Variants in GFOD1 observed in about 807,000 individuals in gnomAD.
The protein encoded by GFOD1 is glucose-fructose oxidoreductase domain-containing protein 1.
A neutral mutation model predicts 25.4 loss-of-function variants in GFOD1; 9 were observed. The observed-to-expected ratio is 0.35, with a 90% CI of 0.21 to 0.62. GFOD1 has a LOEUF of 0.62. Among genes scored for constraint, GFOD1 ranks in the 20% least tolerant of loss-of-function variants. The probability of loss-of-function intolerance (pLI) is 0.72; values close to 1 mark genes in which losing one functional copy is unlikely to be tolerated. For missense variants in GFOD1, 403 were observed against 556.9 expected (o/e 0.72, Z 2.78); for synonymous variants, 253 against 245.6 (o/e 1.03, Z -0.28).
intron 1 of GFOD1, among the ~76,000 whole-genome samples, chr6:13,451,770 G>A (rs1487996082): frequency 1.3e-5 from 2 of 152,198 alleles, no homozygotes; most frequent in Non-Finnish European, 2.9e-5. Context: ...CCAGGTTAAG[G>A]TCGGCAAACG....
Position 13,471,744 on chromosome 6 carries a change from T to C in GFOD1, c.253+14894A>G, listed in dbSNP as rs535240706. Among the ~76,000 whole-genome samples the C allele has an allele frequency of 3.9e-5, 6 of 152,296 alleles. No homozygotes were observed. In the South Asian group the frequency reaches 1.0e-3, roughly 26 times the overall value. On this transcript the variant is annotated intron_variant, in intron 1 of 1. Coordinates refer to ENST00000379287, the MANE Select transcript of GFOD1 (RefSeq NM_018988.4). ...CAAAAATCCATGTTTGGATCTCACA[T>C]AAGTGACTGATTTACCCATTGCTAT...
intron 1 of GFOD1, among the ~76,000 whole-genome samples, chr6:13,450,002 A>T (rs1758067472): frequency 6.6e-6 from 1 of 152,182 alleles, no homozygotes; most frequent in African/African-American, 2.4e-5. Flanking sequence ...ACCACCATTC[A>T]ATTAAGGAAT....
intron 1 of GFOD1, among the ~76,000 whole-genome samples, chr6:13,419,509 C>CCTCTTAAAA (rs1194713272): frequency 3.9e-5 from 6 of 152,122 alleles, no homozygotes; most frequent in Non-Finnish European, 8.8e-5. Context: ...GATGGCTAAA[C>CCTCTTAAAA]CAGAGCCACA....
chr6:13,406,123 G>T (rs1224082513), intron 1 of GFOD1, among the ~76,000 whole-genome samples: 1 of 152,148 alleles, frequency 6.6e-6, no homozygotes, highest in African/African-American at 2.4e-5. Flanking sequence ...AGGTGGAGAT[G>T]GGCAGGGGTG....
intron 1 of GFOD1, among the ~76,000 whole-genome samples, chr6:13,469,042 C>T (rs1758428779): frequency 6.6e-6 from 1 of 152,330 alleles, no homozygotes; most frequent in Admixed American, 6.5e-5. Context: ...TCTGCAAGTG[C>T]TGGCCACAGG....
rs1360224215 is a variant in GFOD1, at chr6:13,365,519, G to C, written c.397C>G (p.Gln133Glu). ...CCCACGTAGCCCTCCTCGATCAGCT[G>C]CTTCATGCGCACGAAAGCCGGCAGG... ...RFLPAFVRMK[Q>E]LIEEGYVGEP... The change falls in exon 2 of 2, where the codon CAG becomes GAG. Residue 133 changes from glutamine (Q) to glutamate (E), a missense_variant. By Grantham distance (29) the Gln-to-Glu change is conservative. Coordinates refer to ENST00000379287, the MANE Select transcript of GFOD1 (RefSeq NM_018988.4). This position sits in a 1 kb window ranked among gnomAD's most constrained non-coding sequence, Gnocchi z 9.2. The C allele has an allele frequency of 1.8e-5, 29 of 1,612,710 alleles. No individual in the cohort carries two copies. Among genetic ancestry groups the C allele is most frequent in the Non-Finnish European group, 2.4e-5 (28 of 1,179,988 alleles).
intron 1 of GFOD1, among the ~76,000 whole-genome samples, chr6:13,436,926 T>C (rs1757841929): frequency 6.6e-6 from 1 of 152,194 alleles, no homozygotes; most frequent in Non-Finnish European, 1.5e-5. Flanking sequence ...AGTTCAGAGC[T>C]TTGTGCAGAG....
Position 13,360,309 on chromosome 6 carries a change from C to A in GFOD1, c.*4434G>T. The A allele has an allele frequency of 4.3e-6, 1 of 232,748 alleles. No individual in the cohort carries two copies. Among genetic ancestry groups the A allele is most frequent in the Non-Finnish European group, 8.7e-6 (1 of 115,438 alleles). The allele number at this position is 232,748 out of a possible 1,614,324, so 14.4% of individuals were successfully genotyped here. ...CAAAGCTGATTCTGCCCCCAGTACC[C>A]ACCAGAATGCAAGAGATCAGATCAG... On this transcript the variant is annotated 3_prime_UTR_variant, in exon 2 of 2. Transcript: ENST00000379287.
chr6:13,366,277 C>T lies in GFOD1; in HGVS notation c.254-615G>A, dbSNP rs374791610. Among the ~76,000 whole-genome samples the T allele has an allele frequency of 2.8e-4, 43 of 152,138 alleles. 1 individual carries two copies. The East Asian group carries it at 3.5e-3, about 12-fold the overall frequency. ...CTAACTGCAGCCTCAAATCTCTGGG[C>T]TCAAGCAATCCTCCTGCCTCAGCCT... On this transcript the variant is annotated intron_variant, in intron 1 of 1. Transcript: ENST00000379287.
At chr6:13,367,791 G>C (rs60228852) in intron 1 of GFOD1, among the ~76,000 whole-genome samples, 1 of 151,632 alleles carries the variant, frequency 6.6e-6, no homozygotes, top group South Asian at 2.1e-4. Flanking sequence ...ACACAGATTT[G>C]TTAGCAAGTC....
chr6:13,375,928 C>G (rs1785246613), intron 1 of GFOD1, among the ~76,000 whole-genome samples: 1 of 152,230 alleles, frequency 6.6e-6, no homozygotes, highest in South Asian at 2.1e-4. Flanking sequence ...ATCTCTACAG[C>G]TTATATTTGA....
At chr6:13,378,879 T>A (rs541779030) in intron 1 of GFOD1, among the ~76,000 whole-genome samples, 2 of 151,992 alleles carry the variant, frequency 1.3e-5, no homozygotes, top group Non-Finnish European at 2.9e-5. Flanking sequence ...CCATGCTTCC[T>A]CCCCAAGAAA....
At chr6:13,474,448 G>A (rs979532503) in intron 1 of GFOD1, among the ~76,000 whole-genome samples, 2 of 152,130 alleles carry the variant, frequency 1.3e-5, no homozygotes, top group Non-Finnish European at 2.9e-5. Context: ...GCCTTTTGTA[G>A]ACTGGCACTG....
intron 1 of GFOD1, among the ~76,000 whole-genome samples, chr6:13,411,225 A>G (rs930459322): frequency 5.3e-5 from 8 of 152,356 alleles, no homozygotes; most frequent in Non-Finnish European, 1.0e-4. Context: ...GACTGAATCC[A>G]ACCCGTGGCT....
chr6:13,447,853 C>T (rs568242169), intron 1 of GFOD1, among the ~76,000 whole-genome samples: 2 of 141,952 alleles, frequency 1.4e-5, no homozygotes, highest in South Asian at 4.8e-4. Flanking sequence ...AAGCCTCAAA[C>T]ATTTGAGGGT....
At chr6:13,424,044 G>C (rs951213859) in intron 1 of GFOD1, among the ~76,000 whole-genome samples, 5 of 152,130 alleles carry the variant, frequency 3.3e-5, no homozygotes, top group Admixed American at 3.3e-4. Context: ...TTTTAGCAGA[G>C]ATGGGGTTTC....
Position 13,365,451 on chromosome 6 carries a change from C to T in GFOD1, c.465G>A (p.Leu155=). Residue 155 remains leucine, a synonymous_variant, in exon 2 of 2, where the codon CTG becomes CTA. Coordinates refer to ENST00000379287, the MANE Select transcript of GFOD1 (RefSeq NM_018988.4). This position sits in a 1 kb window ranked among gnomAD's most constrained non-coding sequence, Gnocchi z 9.2. ...AGCTCCAGTTGTACTTCTTGCCCAG[C>T]AGGCTGCCGCCGTGCACCTGCACCT... ...VCEVQVHGGS[L]LGKKYNWSCD... The T allele has an allele frequency of 6.2e-7, 1 of 1,613,820 alleles. No homozygotes were observed. The highest frequency in any genetic ancestry group is 8.5e-7 in the Non-Finnish European group (1 of 1,180,018).
intron 1 of GFOD1, among the ~76,000 whole-genome samples, chr6:13,374,269 TTTTTTGTGTGTGTG>T (rs1188266708): frequency 3.3e-5 from 4 of 121,876 alleles, no homozygotes; most frequent in African/African-American, 1.2e-4. Context: ...AATATGTTTT[TTTTTTGTGTGTGTG>T]TGTGTGTGTG....
Position 13,397,877 on chromosome 6 carries a change from G to A in GFOD1, c.254-32215C>T, listed in dbSNP as rs950469391. ...AATAAACACTGTCACATTTGGAACT[G>A]AAAACAAATTTTGCATTAATTTTTA... is the stretch of plus-strand genomic sequence containing the variant. On this transcript the variant is annotated intron_variant, in intron 1 of 1. Transcript: ENST00000379287. 5.8e-4 allele frequency among the ~76,000 whole-genome samples: 88 copies of A among 152,316 alleles called. 1 individual carries two copies. The highest frequency in any genetic ancestry group is 3.1e-4 in the Non-Finnish European group (21 of 68,030).
Sources: allele counts gnomAD v4.1 joint callset (sites outside exome capture counted in the v4.1 genomes callset), GRCh38; gene constraint gnomAD v4.1.1; non-coding constraint Gnocchi (gnomAD v3.1); transcripts MANE v1.5; gene names NCBI Gene and HGNC (gene_info 2026-07-23, HGNC 2026-07-21).